PTPRD: variants seen among roughly 807,000 people sequenced by gnomAD.
PTPRD encodes protein tyrosine phosphatase receptor type D, also known as receptor-type tyrosine-protein phosphatase delta.
PTPRD carries 34 observed loss-of-function variants against 214.5 expected under a neutral mutation model. The ratio of observed to expected loss-of-function variants is 0.16; its 90% CI spans 0.12 to 0.21. The LOEUF is 0.21. Ranked by LOEUF, PTPRD falls within the 10% of genes least tolerant of loss-of-function variation. The pLI is 1.00. For synonymous variants in PTPRD, 1,128 were observed against 845.7 expected, an observed-to-expected ratio of 1.33 and a Z score of -5.79; for missense variants, 2,545 against 2,398.7, an observed-to-expected ratio of 1.06 and a Z score of -1.27.
At chr9:10,211,132 G>A (rs80181007) in intron 3 of PTPRD, among the ~76,000 whole-genome samples, 12,536 of 151,876 alleles carry the variant, frequency 0.083, 669 homozygotes, top group Non-Finnish European at 0.12. Context: ...AATGAAAACA[G>A]CTGATGCTTT....
intron 2 of PTPRD, among the ~76,000 whole-genome samples, chr9:10,454,536 T>A (rs1566150895): frequency 6.6e-6 from 1 of 151,736 alleles, no homozygotes; most frequent in Admixed American, 6.6e-5. Context: ...CAGTAGACTA[T>A]GCCTCCTACT....
chr9:9,761,021 G>A (rs1166483941), intron 6 of PTPRD, among the ~76,000 whole-genome samples: 1 of 152,098 alleles, frequency 6.6e-6, no homozygotes, highest in Non-Finnish European at 1.5e-5. Context: ...ACATGTAACT[G>A]CCATACAATC....
At chr9:9,783,819 GTT>G (rs71485303) in intron 5 of PTPRD, among the ~76,000 whole-genome samples, 34,614 of 137,472 alleles carry the variant, frequency 0.25, 4,361 homozygotes, top group East Asian at 0.58. Flanking sequence ...CTCCTGCTTC[GTT>G]TTTTTTTTTT....
intron 10 of PTPRD, chr9:9,091,196 G>A (rs1160326768): frequency 2.6e-5 from 39 of 1,518,216 alleles, no homozygotes; most frequent in South Asian, 5.6e-5. Context: ...CCCCCACCCC[G>A]ATTTAGACCT....
chr9:10,136,085 T>G (rs909832240), intron 3 of PTPRD, among the ~76,000 whole-genome samples: 15 of 151,624 alleles, frequency 9.9e-5, no homozygotes, highest in African/African-American at 3.4e-4. Flanking sequence ...AGGTCGATAT[T>G]CTTATACTAG....
At chr9:10,533,951 G>C (rs912314524) in intron 2 of PTPRD, among the ~76,000 whole-genome samples, 2 of 151,006 alleles carry the variant, frequency 1.3e-5, no homozygotes, top group Non-Finnish European at 3.0e-5. Context: ...AGTTAAGTTT[G>C]TAGCCTATTT....
intron 39 of PTPRD, among the ~76,000 whole-genome samples, chr9:8,351,599 A>C (rs1233326480): frequency 6.6e-6 from 1 of 151,988 alleles, no homozygotes; most frequent in Non-Finnish European, 1.5e-5. Context: ...TCAGTGATGG[A>C]CTGTCAGAAG....
chr9:9,843,130 C>T (rs949328157), intron 5 of PTPRD, among the ~76,000 whole-genome samples: 1 of 152,030 alleles, frequency 6.6e-6, no homozygotes, highest in Non-Finnish European at 1.5e-5. Flanking sequence ...GTTGTTACAA[C>T]AGAAACCTTA....
chr9:9,383,487 A>G (rs755230473), intron 9 of PTPRD, among the ~76,000 whole-genome samples: 120 of 152,236 alleles, frequency 7.9e-4, no homozygotes, highest in Non-Finnish European at 1.5e-3. Context: ...AAATATCACC[A>G]ACTTGCTCTT....
intron 11 of PTPRD, among the ~76,000 whole-genome samples, chr9:8,973,303 CG>C (rs1567331287): frequency 6.6e-6 from 1 of 151,904 alleles, no homozygotes; most frequent in African/African-American, 2.4e-5. Flanking sequence ...CATTTATAGA[CG>C]GACACACAGG....
At chr9:9,446,933 A>G (rs952513489) in intron 8 of PTPRD, among the ~76,000 whole-genome samples, 1 of 152,202 alleles carries the variant, frequency 6.6e-6, no homozygotes, top group Non-Finnish European at 1.5e-5. Context: ...ATCACTGATC[A>G]TTAGAGAAAT....
intron 2 of PTPRD, among the ~76,000 whole-genome samples, chr9:10,469,310 TAA>T (rs1691436303): frequency 6.6e-6 from 1 of 152,134 alleles, no homozygotes; most frequent in African/African-American, 2.4e-5. Flanking sequence ...TCAGCATTTA[TAA>T]AAGTGTCTAA....
At chr9:9,254,204 G>A (rs2099976732) in intron 9 of PTPRD, among the ~76,000 whole-genome samples, 2 of 152,012 alleles carry the variant, frequency 1.3e-5, no homozygotes, top group African/African-American at 4.8e-5. Flanking sequence ...ATGGGGGCGG[G>A]GCGGGGCACC....
chr9:9,393,099 T>C (rs1241445747), intron 9 of PTPRD, among the ~76,000 whole-genome samples: 1 of 152,176 alleles, frequency 6.6e-6, no homozygotes, highest in Non-Finnish European at 1.5e-5. Flanking sequence ...AATAAATTGT[T>C]ATTCTCACCC....
At chr9:10,226,195 T>A (rs569577620) in intron 3 of PTPRD, among the ~76,000 whole-genome samples, 1 of 152,104 alleles carries the variant, frequency 6.6e-6, no homozygotes, top group African/African-American at 2.4e-5. Flanking sequence ...ACTTAGTACC[T>A]GGATAAGGGT....
rs2098681285 is a variant in PTPRD at position 9,763,699 on chromosome 9, C to T, written c.-326+3111G>A. On this transcript the variant is annotated intron_variant, in intron 6 of 45. Transcript: ENST00000381196. ...AGCTCCCCACTTTCCAATCTGTACA[C>T]TTACTGCTACTATCATTGTTTGACT... Among the ~76,000 whole-genome samples the T allele has an allele frequency of 2.0e-5, 3 of 152,180 alleles. No individual in the cohort carries two copies. In the South Asian group the frequency reaches 6.2e-4, roughly 31 times the overall value.
intron 7 of PTPRD, among the ~76,000 whole-genome samples, chr9:9,636,908 A>G (rs2095790650): frequency 6.6e-6 from 1 of 152,146 alleles, no homozygotes; most frequent in Non-Finnish European, 1.5e-5. Flanking sequence ...AAGGGGGGCG[A>G]GTCTCTGCTT....
chr9:8,557,463 C>T, intron 14 of PTPRD, among the ~76,000 whole-genome samples: 1 of 128,626 alleles, frequency 7.8e-6, no homozygotes, highest in African/African-American at 4.1e-5. Context: ...TATATTTGGG[C>T]CGGGCGCGGT....
At chr9:9,802,869 C>G (rs972483600) in intron 5 of PTPRD, among the ~76,000 whole-genome samples, 2 of 151,768 alleles carry the variant, frequency 1.3e-5, no homozygotes, top group African/African-American at 4.8e-5. Context: ...TTCTCACACA[C>G]ATTTTCTTTT....
Sources: gnomAD v4.1 joint callset for allele counts (sites outside exome capture counted in the v4.1 genomes callset) on GRCh38, gnomAD v4.1.1 for gene constraint, MANE v1.5 for transcripts, NCBI Gene and HGNC (gene_info 2026-07-23, HGNC 2026-07-21) for gene names.